The following BCAR3 variants were observed in gnomAD, a reference collection of about 807,000 sequenced individuals.
BCAR3 encodes breast cancer anti-estrogen resistance protein 3.
In BCAR3, 37 loss-of-function variants were observed where a neutral mutation model predicts 80.1. The observed-to-expected ratio is 0.46, with a 90% confidence interval of 0.36 to 0.61. BCAR3 has a LOEUF of 0.61. Ranked by LOEUF, BCAR3 falls within the 20% of genes least tolerant of loss-of-function variation. The pLI is 0.00. For synonymous variants in BCAR3, 389 were observed against 418.9 expected, an observed-to-expected ratio of 0.93 and a Z score of 0.87; for missense variants, 978 against 1,068.2, an observed-to-expected ratio of 0.92 and a Z score of 1.18.
intron 1 of BCAR3, among the ~76,000 whole-genome samples, chr1:93,680,551 T>C (rs1648705332): frequency 6.6e-6 from 1 of 152,170 alleles, no homozygotes. Context: ...CAAGGGAGGC[T>C]ATCAGCTCCC....
rs766770453 is a variant in BCAR3 at position 93,674,828 on chromosome 1, C to A, written c.103G>T (p.Ala35Ser). The A allele has an allele frequency of 2.5e-6, 4 of 1,603,470 alleles. No homozygotes were observed. The South Asian group carries it at 3.4e-5, about 13-fold the overall frequency. The change falls in exon 2 of 12, where the codon GCT becomes TCT. Residue 35 changes from alanine (A) to serine (S), a missense_variant. Transcript: ENST00000260502. ...TGATAGGCATCTGGGCGATGCTCAG[C>A]GAGAGGGGACCTGCTGCTCAGAAGG... is the stretch of plus-strand genomic sequence containing the variant. ...MDLLSSRSPL[A>S]EHRPDAYQDV...
At chr1:93,784,201 A>AG (rs758782414) in intron 2 of BCAR3, among the ~76,000 whole-genome samples, 247 of 147,976 alleles carry the variant, frequency 1.7e-3, no homozygotes, top group South Asian at 3.4e-3. Context: ...TCTGTAAAGA[A>AG]AAAAAAAAAA....
intron 2 of BCAR3, among the ~76,000 whole-genome samples, chr1:93,648,505 TAAG>T (rs1676219024): frequency 1.3e-5 from 2 of 152,158 alleles, no homozygotes; most frequent in Admixed American, 1.3e-4. Context: ...TTAGGATAAT[TAAG>T]AAAAAGAAAG....
chr1:93,817,790 A>C (rs2818168), intron 2 of BCAR3, among the ~76,000 whole-genome samples: 42,518 of 150,052 alleles, frequency 0.28, 6,794 homozygotes, highest in East Asian at 0.51. Context: ...AGCCCTGTTT[A>C]CCCCCCCACA....
chr1:93,574,169 G>A (rs572208678), intron 8 of BCAR3, among the ~76,000 whole-genome samples: 3 of 152,132 alleles, frequency 2.0e-5, no homozygotes, highest in Admixed American at 1.3e-4. Context: ...TGGATACACC[G>A]ACTATGGGAA....
chr1:93,846,560 GACCGCACCCTTCTGGGCAGCGGC>G (rs1419402663), intron 1 of BCAR3, among the ~76,000 whole-genome samples: 3 of 152,100 alleles, frequency 2.0e-5, no homozygotes, highest in Non-Finnish European at 4.4e-5. Flanking sequence ...GATTCGTGGC[GACCGCACCCTTCTGGGCAGCGGC>G]GCCAGGCCCG....
chr1:93,647,186 G>A (rs1676170752), intron 2 of BCAR3, among the ~76,000 whole-genome samples: 1 of 152,140 alleles, frequency 6.6e-6, no homozygotes, highest in South Asian at 2.1e-4. Flanking sequence ...GGTATTTTTG[G>A]TAAAGAAGGT....
chr1:93,592,140 G>T lies in BCAR3; in HGVS notation c.486+125C>A. 7.3e-7 allele frequency: 1 copy of T among 1,366,538 alleles called. No individual in the cohort carries two copies. Among genetic ancestry groups the T allele is most frequent in the Non-Finnish European group, 9.9e-7 (1 of 1,006,678 alleles). 84.7% of individuals were successfully genotyped at this position (1,366,538 alleles called of 1,614,324 possible). On this transcript the variant is annotated intron_variant, in intron 4 of 11. Transcript: ENST00000260502. This position sits in a 1 kb window ranked among gnomAD's most constrained non-coding sequence, Gnocchi z 4.8. ...GGGTCTAAATGAAGTCATTTTTAGA[G>T]TATTTGTTTTTGGTTACACAGGTGC...
intron 2 of BCAR3, among the ~76,000 whole-genome samples, chr1:93,828,800 T>TC (rs1410440972): frequency 1.3e-5 from 2 of 152,034 alleles, no homozygotes; most frequent in African/African-American, 4.8e-5. Context: ...GTTCAAGCAA[T>TC]CCGTGTCTCA....
intron 2 of BCAR3, among the ~76,000 whole-genome samples, chr1:93,663,545 G>C (rs1021689426): frequency 2.0e-5 from 3 of 152,180 alleles, no homozygotes; most frequent in African/African-American, 7.2e-5. Context: ...CAATCCAGTG[G>C]AGCAATACAA....
chr1:93,583,518 A>G (rs1673813369), intron 6 of BCAR3, among the ~76,000 whole-genome samples: 1 of 152,098 alleles, frequency 6.6e-6, no homozygotes, highest in Admixed American at 6.5e-5. Flanking sequence ...TACTAATGTA[A>G]CTGCTTAGTA....
At position 93,582,797 on chromosome 1, in the gene BCAR3, C is replaced by T. The variant is rs751726491; in HGVS notation, c.1190G>A (p.Ser397Asn). The T allele has an allele frequency of 1.2e-6, 2 of 1,614,068 alleles. No homozygotes were observed. The highest frequency in any genetic ancestry group is 8.5e-7 in the Non-Finnish European group (1 of 1,180,024). ...RAGEALRGSDSQLCPKPPPKP... is the reference protein window; with the variant it reads ...RAGEALRGSDNQLCPKPPPKP... ...AGGCGGGGGCTTAGGGCACAGTTGA[C>T]TGTCTGATCCCCTCAGCGCCTCCCC... The change falls in exon 7 of 12, where the codon AGT becomes AAT. Residue 397 changes from serine to asparagine, a missense_variant. Coordinates refer to ENST00000260502, the MANE Select transcript of BCAR3 (RefSeq NM_003567.4).
At chr1:93,790,196 C>G (rs1653092042) in intron 2 of BCAR3, among the ~76,000 whole-genome samples, 1 of 151,936 alleles carries the variant, frequency 6.6e-6, no homozygotes, top group South Asian at 2.1e-4. Context: ...ATAAACAATA[C>G]AGTGAACAAC....
At chr1:93,629,127 C>A (rs1376421612) in intron 3 of BCAR3, among the ~76,000 whole-genome samples, 1 of 152,176 alleles carries the variant, frequency 6.6e-6, no homozygotes, top group African/African-American at 2.4e-5. Flanking sequence ...CTCCCAAACT[C>A]ATTTCTTAAC....
intron 2 of BCAR3, among the ~76,000 whole-genome samples, chr1:93,757,187 T>C (rs1257945466): frequency 4.6e-5 from 7 of 152,194 alleles, no homozygotes; most frequent in Admixed American, 4.6e-4. Context: ...TCTTCTGTTA[T>C]AGTGAGGAGT....
intron 2 of BCAR3, among the ~76,000 whole-genome samples, chr1:93,650,049 GAA>G (rs111559560): frequency 7.2e-6 from 1 of 138,128 alleles, no homozygotes. Flanking sequence ...CATTAATCAA[GAA>G]AAAAAAAAAA....
rs558140919 is a variant in BCAR3 at position 93,642,109 on chromosome 1, C to G, written c.357+195G>C. On this transcript the variant is annotated intron_variant, in intron 3 of 11. Transcript: ENST00000260502. ...TGGCTCTAAGGCCAGATAAGGGTACCTGTAATAGGATGACGTGAGACCCCT... is the reference window on the plus strand; with the variant it reads ...TGGCTCTAAGGCCAGATAAGGGTACGTGTAATAGGATGACGTGAGACCCCT... Among the ~76,000 whole-genome samples the G allele has an allele frequency of 3.0e-4, 45 of 152,266 alleles. No homozygotes were observed. The South Asian group carries it at 7.9e-3, about 27-fold the overall frequency.
At chr1:93,569,470 C>T (rs1673115841) in intron 9 of BCAR3, among the ~76,000 whole-genome samples, 2 of 152,354 alleles carry the variant, frequency 1.3e-5, no homozygotes, top group South Asian at 4.1e-4. Flanking sequence ...ACCCCTGCTC[C>T]CTACACCCAC....
chr1:93,678,246 C>T (rs768991556), intron 1 of BCAR3, among the ~76,000 whole-genome samples: 1 of 152,164 alleles, frequency 6.6e-6, no homozygotes, highest in African/African-American at 2.4e-5. Context: ...TTTTGGTACA[C>T]AGCAATTGAG....
Sources: gnomAD v4.1 joint callset for allele counts (sites outside exome capture counted in the v4.1 genomes callset) on GRCh38, gnomAD v4.1.1 for gene constraint, Gnocchi (gnomAD v3.1) non-coding constraint, MANE v1.5 for transcripts, NCBI Gene and HGNC (gene_info 2026-07-23, HGNC 2026-07-21) for gene names.